PHLDB2: variants seen among roughly 807,000 people sequenced by gnomAD.
PHLDB2 encodes the protein pleckstrin homology like domain family B member 2.
PHLDB2 carries 71 observed loss-of-function variants against 123.6 expected under a neutral mutation model. The ratio of observed to expected loss-of-function variants is 0.57; its 90% CI spans 0.47 to 0.70. The LOEUF (loss-of-function observed/expected upper bound fraction) is 0.70, where lower values mean the gene tolerates loss of function less well. PHLDB2 is among the 30% of genes least tolerant of loss of function. The pLI is 0.00. For missense variants in PHLDB2, 1,446 were observed against 1,519.5 expected, an observed-to-expected ratio of 0.95 and a Z score of 0.80; for synonymous variants, 547 against 541.6, an observed-to-expected ratio of 1.01 and a Z score of -0.14.
At chr3:111,762,375 GC>G (rs34576002) in intron 1 of PHLDB2, among the ~76,000 whole-genome samples, 76,275 of 152,010 alleles carry the variant, frequency 0.5, 19,726 homozygotes, top group African/African-American at 0.62. Context: ...TTATTATATA[GC>G]CAATATGTGT....
At chr3:111,783,959 G>A (rs879543988) in intron 1 of PHLDB2, among the ~76,000 whole-genome samples, 2 of 152,130 alleles carry the variant, frequency 1.3e-5, no homozygotes, top group Non-Finnish European at 2.9e-5. Context: ...AGAGTCAATT[G>A]AATAAGTATA....
At chr3:111,899,822 T>TG (rs1559893209) in intron 2 of PHLDB2, among the ~76,000 whole-genome samples, 1 of 152,272 alleles carries the variant, frequency 6.6e-6, no homozygotes, top group East Asian at 1.9e-4. Context: ...CCCAGGCTGG[T>TG]GTTGAGCTCC....
chr3:111,932,131 A>G lies in PHLDB2; in HGVS notation c.2002-138A>G, dbSNP rs72940209. 4,548 of 946,912 alleles carry G rather than the reference A, an allele frequency of 4.8e-3. 124 individuals are homozygous for G. The African/African-American group carries it at 0.068, about 14-fold the overall frequency. 58.7% of individuals were successfully genotyped at this position (946,912 alleles called of 1,614,324 possible). ...TTATATCCCTTTATCCTAGCCACTA[A>G]CAAGATACGTTTCTACATTCATAGA... On this transcript the variant is annotated intron_variant, in intron 5 of 17. Coordinates refer to ENST00000431670, the MANE Select transcript of PHLDB2 (RefSeq NM_001134438.2).
At chr3:111,819,320 G>A (rs942165878) in intron 1 of PHLDB2, among the ~76,000 whole-genome samples, 10 of 152,138 alleles carry the variant, frequency 6.6e-5, no homozygotes, top group East Asian at 1.9e-4. Context: ...ACAAATCTTC[G>A]AGACTTCAAA....
At chr3:111,739,413 A>C (rs1355976770) in intron 1 of PHLDB2, among the ~76,000 whole-genome samples, 1 of 152,122 alleles carries the variant, frequency 6.6e-6, no homozygotes, top group African/African-American at 2.4e-5. Context: ...TTCTCTCTTT[A>C]TAAATAAACG....
intron 1 of PHLDB2, among the ~76,000 whole-genome samples, chr3:111,773,138 C>T (rs6782894): frequency 0.94 from 142,551 of 152,300 alleles, 66,764 homozygotes; most frequent in East Asian, 1. Context: ...AAACAGGAAT[C>T]TCAGTGCTCT....
rs990191234 is a variant in PHLDB2, at chr3:111,758,462, G to A, written c.-49+25759G>A. Among the ~76,000 whole-genome samples the A allele has an allele frequency of 9.2e-5, 14 of 152,280 alleles. No individual in the cohort carries two copies. In the South Asian group the frequency reaches 1.9e-3, roughly 20 times the overall value. On this transcript the variant is annotated intron_variant, in intron 1 of 17. Coordinates refer to the PHLDB2 transcript ENST00000393923. The stretch of plus-strand genomic sequence containing the variant: ...TGTTTTTTAAGCTCGTCGGAAAAGC[G>A]CAGTATTAGGGTGGGAGTGACCCGA...
At chr3:111,871,275 G>T (rs1446260621) in intron 1 of PHLDB2, among the ~76,000 whole-genome samples, 1 of 152,110 alleles carries the variant, frequency 6.6e-6, no homozygotes, top group African/African-American at 2.4e-5. Flanking sequence ...ATTTATGTAG[G>T]CCAGACTTTA....
intron 13 of PHLDB2, among the ~76,000 whole-genome samples, chr3:111,964,346 A>T (rs1341486651): frequency 6.6e-6 from 1 of 151,858 alleles, no homozygotes; most frequent in Non-Finnish European, 1.5e-5. Context: ...TGGTATTATT[A>T]TTATTATTTT....
chr3:111,925,462 A>G (rs2068761087), intron 5 of PHLDB2, among the ~76,000 whole-genome samples: 1 of 152,218 alleles, frequency 6.6e-6, no homozygotes, highest in South Asian at 2.1e-4. Flanking sequence ...GATAGTAGCC[A>G]CATCACAGAT....
At position 111,974,745 on chromosome 3, in the gene PHLDB2, C is replaced by A; in HGVS notation, c.*182C>A. The A allele has an allele frequency of 2.0e-6, 1 of 490,460 alleles. No individual in the cohort carries two copies. The highest frequency in any genetic ancestry group is 3.2e-6 in the Non-Finnish European group (1 of 309,756). The allele number at this position is 490,460 out of a possible 1,614,324, so 30.4% of individuals were successfully genotyped here. A position where few individuals can be genotyped will look rare whatever the true frequency, so the allele number is the denominator to read the frequency against. ...ATAAAGAAGGGGTTTTAATACAAACCTTCATAATAAATAGCAAAATAATTG... is the reference window on the plus strand; with the variant it reads ...ATAAAGAAGGGGTTTTAATACAAACATTCATAATAAATAGCAAAATAATTG... On this transcript the variant is annotated 3_prime_UTR_variant, in exon 18 of 18. Transcript: ENST00000431670.
Position 111,948,986 on chromosome 3 carries a change from T to C in PHLDB2, c.2542T>C (p.Ser848Pro). The change falls in exon 10 of 18, where the codon TCC becomes CCC. Residue 848 changes from serine (S) to proline (P), a missense_variant. This residue lies in a region of PHLDB2 where 594 missense variants were observed against 646.0 expected (regional missense o/e 0.92). Coordinates refer to ENST00000431670, the MANE Select transcript of PHLDB2 (RefSeq NM_001134438.2). ...GCCGTGTGGCAATTCCACGAATCTA[T>C]CCCCTTCCACTCAGTTTCCTGCTGA... The part of the protein sequence containing the change: ...NEPCGNSTNL[S>P]PSTQFPADAD... 1.2e-6 allele frequency: 2 copies of C among 1,614,020 alleles called. No homozygotes were observed. Among genetic ancestry groups the C allele is most frequent in the Non-Finnish European group, 1.7e-6 (2 of 1,179,918 alleles).
chr3:111,783,353 A>T (rs372581457), intron 1 of PHLDB2, among the ~76,000 whole-genome samples: 1 of 152,162 alleles, frequency 6.6e-6, no homozygotes, highest in Admixed American at 6.6e-5. Context: ...ACTTTGTTTT[A>T]GAATTAAGCT....
At chr3:111,781,627 A>G (rs887060092) in intron 1 of PHLDB2, among the ~76,000 whole-genome samples, 2 of 152,146 alleles carry the variant, frequency 1.3e-5, no homozygotes, top group Admixed American at 6.6e-5. Flanking sequence ...GTGGATATCC[A>G]CAACAAGAAC....
intron 1 of PHLDB2, among the ~76,000 whole-genome samples, chr3:111,823,891 G>A (rs901252191): frequency 6.6e-6 from 1 of 152,122 alleles, no homozygotes; most frequent in Non-Finnish European, 1.5e-5. Flanking sequence ...GATGGTGGAG[G>A]GGGTACAGAC....
intron 6 of PHLDB2, among the ~76,000 whole-genome samples, chr3:111,937,525 G>A (rs703274): frequency 0.99 from 150,937 of 152,218 alleles, 74,848 homozygotes; most frequent in Middle Eastern, 1. Context: ...AATCCCAGGT[G>A]AGTGGATCCA....
chr3:111,791,504 C>T (rs1380588706), intron 1 of PHLDB2, among the ~76,000 whole-genome samples: 1 of 152,158 alleles, frequency 6.6e-6, no homozygotes, highest in East Asian at 1.9e-4. Flanking sequence ...AAATGCTTAC[C>T]TTTAAGAGAT....
intron 1 of PHLDB2, among the ~76,000 whole-genome samples, chr3:111,762,736 C>A (rs949264863): frequency 1.3e-5 from 2 of 152,182 alleles, no homozygotes; most frequent in Non-Finnish European, 2.9e-5. Flanking sequence ...CAATACCCAG[C>A]TCTGATCCCC....
Position 111,962,203 on chromosome 3 carries a change from C to T in PHLDB2, c.2968C>T (p.His990Tyr), listed in dbSNP as rs751207650. Residue 990 changes from histidine (H) to tyrosine (Y), a missense_variant, in exon 13 of 18, where the codon CAT becomes TAT. This residue lies in a region of PHLDB2 where 594 missense variants were observed against 646.0 expected (regional missense o/e 0.92). Coordinates refer to ENST00000431670, the MANE Select transcript of PHLDB2 (RefSeq NM_001134438.2). Reference protein sequence around the residue: ...SESNVYLNSFHYPDHSYKDQA... With the variant: ...SESNVYLNSFYYPDHSYKDQA... ...ATCAAATGTCTACTTGAATAGTTTCCATTATCCAGATCACAGCTACAAGGA... is the reference window on the plus strand; with the variant it reads ...ATCAAATGTCTACTTGAATAGTTTCTATTATCCAGATCACAGCTACAAGGA... 1 of 1,581,696 alleles carries T rather than the reference C, an allele frequency of 6.3e-7. No homozygotes were observed. Among genetic ancestry groups the T allele is most frequent in the South Asian group, 1.2e-5 (1 of 84,982 alleles).
Sources: allele counts gnomAD v4.1 joint callset (sites outside exome capture counted in the v4.1 genomes callset), GRCh38; gene constraint gnomAD v4.1.1; regional missense constraint gnomAD v4.1.1; transcripts MANE v1.5; gene names NCBI Gene and HGNC (gene_info 2026-07-23, HGNC 2026-07-21).